The following PDGFRL variants were observed in gnomAD, a reference collection of about 807,000 sequenced individuals.
The protein encoded by PDGFRL is platelet derived growth factor receptor like.
In PDGFRL, 46 loss-of-function variants were observed where a neutral mutation model predicts 37.2. The observed-to-expected ratio is 1.24, with a 90% CI of 0.98 to 1.58. The LOEUF (loss-of-function observed/expected upper bound fraction) is 1.58. Among genes scored for constraint, PDGFRL ranks in the 40% most tolerant of loss-of-function variants. PDGFRL has a pLI of 0.00. For missense variants in PDGFRL, 692 were observed against 467.6 expected (o/e 1.48, Z -4.43); for synonymous variants, 251 against 184.3 (o/e 1.36, Z -2.93).
At chr8:17,594,536 C>T (rs1464235501) in intron 2 of PDGFRL, among the ~76,000 whole-genome samples, 2 of 150,980 alleles carry the variant, frequency 1.3e-5, no homozygotes, top group South Asian at 4.2e-4. Context: ...GCCACCATGC[C>T]TGGCCTATAC....
At chr8:17,639,952 C>G (rs1805056472) in intron 5 of PDGFRL, among the ~76,000 whole-genome samples, 1 of 152,146 alleles carries the variant, frequency 6.6e-6, no homozygotes, top group African/African-American at 2.4e-5. Context: ...TCCCAAACAT[C>G]TTGGAGGCTT....
intron 2 of PDGFRL, among the ~76,000 whole-genome samples, chr8:17,606,879 GTTT>G (rs1361616983): frequency 3.4e-5 from 2 of 59,030 alleles, no homozygotes; most frequent in Non-Finnish European, 6.2e-5. Context: ...CCAGTTTTTC[GTTT>G]TTTGTTTTTT....
intron 5 of PDGFRL, among the ~76,000 whole-genome samples, chr8:17,641,873 A>C (rs1328319498): frequency 7.5e-6 from 1 of 134,106 alleles, no homozygotes; most frequent in Non-Finnish European, 1.6e-5. Flanking sequence ...TACTTACAGG[A>C]CATTGATGAT....
chr8:17,610,917 T>C (rs1489446962), intron 2 of PDGFRL, among the ~76,000 whole-genome samples: 1 of 146,964 alleles, frequency 6.8e-6, no homozygotes, highest in Non-Finnish European at 1.5e-5. Context: ...TCAAAAAAAA[T>C]TACACGAGAA....
intron 5 of PDGFRL, among the ~76,000 whole-genome samples, chr8:17,638,788 A>G (rs542715654): frequency 5.6e-4 from 40 of 71,582 alleles, no homozygotes; most frequent in African/African-American, 7.3e-4. Flanking sequence ...TATATATATA[A>G]TTGTGATATT....
chr8:17,617,345 C>G (rs1804549985), intron 2 of PDGFRL, among the ~76,000 whole-genome samples: 1 of 152,122 alleles, frequency 6.6e-6, no homozygotes, highest in Non-Finnish European at 1.5e-5. Flanking sequence ...ATGACACCTT[C>G]TTTTTGCTCC....
At chr8:17,604,682 A>G (rs1395027120) in intron 2 of PDGFRL, among the ~76,000 whole-genome samples, 1 of 152,174 alleles carries the variant, frequency 6.6e-6, no homozygotes, top group African/African-American at 2.4e-5. Flanking sequence ...ACATGTATAC[A>G]TATGTAACAA....
chr8:17,638,788 A>ATATATATAG (rs1805033295), intron 5 of PDGFRL, among the ~76,000 whole-genome samples: 1 of 71,584 alleles, frequency 1.4e-5, no homozygotes, highest in Non-Finnish European at 2.8e-5. Context: ...TATATATATA[A>ATATATATAG]TTGTGATATT....
chr8:17,587,974 C>G (rs1803852568), intron 1 of PDGFRL, among the ~76,000 whole-genome samples: 2 of 151,928 alleles, frequency 1.3e-5, no homozygotes, highest in African/African-American at 4.9e-5. Context: ...AACTGTGTGG[C>G]TGCAAGGGGC....
At chr8:17,593,229 A>C (rs1403836531) in intron 2 of PDGFRL, among the ~76,000 whole-genome samples, 1 of 152,004 alleles carries the variant, frequency 6.6e-6, no homozygotes, top group East Asian at 1.9e-4. Flanking sequence ...CTTGGAAGAA[A>C]TCTGGAAAGG....
At chr8:17,578,522 A>C (rs888405395) in intron 1 of PDGFRL, among the ~76,000 whole-genome samples, 1 of 152,232 alleles carries the variant, frequency 6.6e-6, no homozygotes, top group Admixed American at 6.5e-5. Context: ...CCATGAGTTC[A>C]GTTTGTAAAA....
At chr8:17,589,960 G>A (rs543116996) in intron 2 of PDGFRL, among the ~76,000 whole-genome samples, 195 bp downstream of exon 2, 12 of 151,756 alleles carry the variant, frequency 7.9e-5, no homozygotes, top group South Asian at 2.1e-4. Context: ...GGCCGGGTGC[G>A]GTGGCTCATG....
At chr8:17,626,841 C>T (rs372906493) in intron 3 of PDGFRL, among the ~76,000 whole-genome samples, 21 of 152,182 alleles carry the variant, frequency 1.4e-4, no homozygotes, top group East Asian at 5.8e-4. Context: ...CTCGTTTCTC[C>T]CATTTCAGTA....
At chr8:17,616,958 T>A (rs1460994458) in intron 2 of PDGFRL, among the ~76,000 whole-genome samples, 2 of 152,128 alleles carry the variant, frequency 1.3e-5, no homozygotes, top group African/African-American at 4.8e-5. Flanking sequence ...GATGCACCGG[T>A]CCCTATATCT....
intron 5 of PDGFRL, among the ~76,000 whole-genome samples, chr8:17,634,639 T>C (rs1158920573): frequency 2.6e-5 from 4 of 152,106 alleles, no homozygotes; most frequent in Non-Finnish European, 5.9e-5. Flanking sequence ...TATGCAGCCA[T>C]GAAAAAGAAT....
At chr8:17,594,785 C>G (rs977283933) in intron 2 of PDGFRL, among the ~76,000 whole-genome samples, 2 of 152,154 alleles carry the variant, frequency 1.3e-5, no homozygotes, top group African/African-American at 2.4e-5. Flanking sequence ...TCATGATCCA[C>G]CCACCTCGGC....
intron 2 of PDGFRL, among the ~76,000 whole-genome samples, chr8:17,602,410 T>C (rs1585311155): frequency 6.6e-6 from 1 of 152,094 alleles, no homozygotes; most frequent in Non-Finnish European, 1.5e-5. Flanking sequence ...GGTATGTGTG[T>C]TGAGATAAAT....
intron 2 of PDGFRL, among the ~76,000 whole-genome samples, chr8:17,600,340 G>C (rs1177896808): frequency 1.3e-5 from 2 of 152,080 alleles, no homozygotes; most frequent in African/African-American, 2.4e-5. Flanking sequence ...CCCTTCTGGA[G>C]TCCTCTTCAC....
At chr8:17,594,369 T>A (rs1332015828) in intron 2 of PDGFRL, among the ~76,000 whole-genome samples, 1 of 151,184 alleles carries the variant, frequency 6.6e-6, no homozygotes, top group African/African-American at 2.4e-5. Context: ...GCCTCCCAAC[T>A]AGCTGGAATT....
Sources: allele counts gnomAD v4.1 joint callset (sites outside exome capture counted in the v4.1 genomes callset), GRCh38; gene constraint gnomAD v4.1.1; transcripts MANE v1.5; gene names NCBI Gene and HGNC (gene_info 2026-07-23, HGNC 2026-07-21).